The following CNNM2 variants were observed in gnomAD, a reference collection of about 807,000 sequenced individuals.
The protein encoded by CNNM2 is cyclin and CBS domain divalent metal cation transport mediator 2.
Under a neutral mutation model 66.9 loss-of-function variants are expected in CNNM2, and 12 were observed. The ratio of observed to expected loss-of-function variants is 0.18; its 90% CI spans 0.11 to 0.29. The LOEUF (loss-of-function observed/expected upper bound fraction) is 0.29, where lower values mean the gene tolerates loss of function less well. CNNM2 is among the 10% of genes least tolerant of loss of function. The probability of loss-of-function intolerance (pLI) is 1.00; values close to 1 mark genes in which losing one functional copy is unlikely to be tolerated. For missense variants in CNNM2, 705 were observed against 1,167.7 expected, an observed-to-expected ratio of 0.60 and a Z score of 5.77; for synonymous variants, 557 against 501.8, an observed-to-expected ratio of 1.11 and a Z score of -1.47.
chr10:102,954,626 G>A (rs1030157277), intron 1 of CNNM2, among the ~76,000 whole-genome samples: 1 of 152,088 alleles, frequency 6.6e-6, no homozygotes, highest in Non-Finnish European at 1.5e-5. Context: ...GGCCTCCTGG[G>A]TGATCCAGGA....
Position 102,940,511 on chromosome 10 carries a change from CG to C in CNNM2, c.1621+20413del, listed in dbSNP as rs35525985. On this transcript the variant is annotated intron_variant, in intron 1 of 7. Transcript: ENST00000369878. ...TCGGCTCACTGCAAGCTCCGCCTCCCGGGTTCACACCATTCTCCTGTCTCAG... is the reference window on the plus strand; with the variant it reads ...TCGGCTCACTGCAAGCTCCGCCTCCCGGTTCACACCATTCTCCTGTCTCAG... Among the ~76,000 whole-genome samples, 61,804 of 150,490 alleles carry C rather than the reference CG, an allele frequency of 0.41. 13,469 individuals are homozygous for C. Among genetic ancestry groups the C allele is most frequent in the African/African-American group, 0.57 (23,446 of 41,032 alleles).
intron 1 of CNNM2, among the ~76,000 whole-genome samples, chr10:102,981,265 A>G (rs1348041209): frequency 6.6e-6 from 1 of 151,976 alleles, no homozygotes; most frequent in African/African-American, 2.4e-5. Context: ...TGGGAGGATC[A>G]CCTGAGTCCG....
At chr10:103,072,129 G>A (rs566738810) in intron 6 of CNNM2, among the ~76,000 whole-genome samples, 3 of 152,204 alleles carry the variant, frequency 2.0e-5, no homozygotes, top group African/African-American at 7.2e-5. Context: ...TGCCCTTGTG[G>A]CTGACCTTGA....
rs533942200 is a variant in CNNM2 at position 102,926,547 on chromosome 10, C to A, written c.1621+6446C>A. Among the ~76,000 whole-genome samples, 4 of 152,030 alleles carry A rather than the reference C, an allele frequency of 2.6e-5. No individual in the cohort carries two copies. The East Asian group carries it at 7.7e-4, about 29-fold the overall frequency. On this transcript the variant is annotated intron_variant, in intron 1 of 7. Coordinates refer to ENST00000369878, the MANE Select transcript of CNNM2 (RefSeq NM_017649.5). The stretch of plus-strand genomic sequence containing the variant: ...TGTTCTGTGGGTTTTCCTGCTTTTA[C>A]TTATTTATTTTCAAAACAGGGTCTT...
intron 1 of CNNM2, among the ~76,000 whole-genome samples, chr10:103,037,575 TTC>T (rs2064964903): frequency 6.6e-6 from 1 of 152,162 alleles, no homozygotes; most frequent in South Asian, 2.1e-4. Context: ...AGATGGAGTC[TTC>T]TCTCTGTAAT....
chr10:102,976,168 A>C lies in CNNM2; in HGVS notation c.1621+56067A>C, dbSNP rs529598924. Among the ~76,000 whole-genome samples, 288 of 152,336 alleles carry C rather than the reference A, an allele frequency of 1.9e-3. 1 individual carries two copies. Among genetic ancestry groups the C allele is most frequent in the Admixed American group, 3.7e-3 (57 of 15,296 alleles). On this transcript the variant is annotated intron_variant, in intron 1 of 7. Transcript: ENST00000369878. ...ATGTGAGCCTAAAATACACTAAAAC[A>C]TGCATGCTTGTGCTAATTTTCTGTC...
chr10:102,936,536 T>C (rs1590275094), intron 1 of CNNM2, among the ~76,000 whole-genome samples: 2 of 142,270 alleles, frequency 1.4e-5, no homozygotes, highest in African/African-American at 5.4e-5. Context: ...TTTTTTTTGG[T>C]GCAATGGGGG....
intron 1 of CNNM2, among the ~76,000 whole-genome samples, chr10:102,962,317 GA>G (rs2063395112): frequency 6.6e-6 from 1 of 152,158 alleles, no homozygotes; most frequent in African/African-American, 2.4e-5. Context: ...ATATATCCTG[GA>G]AACGTAAAAT....
At chr10:102,961,683 A>C (rs1188830657) in intron 1 of CNNM2, among the ~76,000 whole-genome samples, 1 of 152,130 alleles carries the variant, frequency 6.6e-6, no homozygotes, top group Non-Finnish European at 1.5e-5. Flanking sequence ...CTTTCTTTGC[A>C]GTAGTTAATC....
chr10:103,065,777 C>T (rs1590491690), intron 4 of CNNM2, among the ~76,000 whole-genome samples: 1 of 152,200 alleles, frequency 6.6e-6, no homozygotes, highest in East Asian at 1.9e-4. Flanking sequence ...CAGACATTTG[C>T]AGCCAGCACA....
rs902730159 is a variant in CNNM2 at position 103,088,277 on chromosome 10, A to C, written c.*11097A>C. On this transcript the variant is annotated 3_prime_UTR_variant, in exon 8 of 8. Transcript: ENST00000369878. ...AAGAGTCTATAACCACTGTTTGTTT[A>C]AAATGTTGAAACAACTTTCACTGTA... The C allele has an allele frequency of 6.6e-5, 10 of 152,258 alleles. No homozygotes were observed. The highest frequency in any genetic ancestry group is 2.2e-4 in the African/African-American group (9 of 41,470). The allele number at this position is 152,258 out of a possible 1,614,324, so 9.4% of individuals were successfully genotyped here.
At chr10:102,998,492 T>G (rs935993438) in intron 1 of CNNM2, among the ~76,000 whole-genome samples, 2 of 152,218 alleles carry the variant, frequency 1.3e-5, no homozygotes, top group African/African-American at 4.8e-5. Flanking sequence ...TAAACAAATC[T>G]AAGGAACTAG....
chr10:103,010,215 TATA>T (rs1327995584), intron 1 of CNNM2, among the ~76,000 whole-genome samples: 1 of 152,072 alleles, frequency 6.6e-6, no homozygotes, highest in Non-Finnish European at 1.5e-5. Flanking sequence ...AAATAGTATA[TATA>T]ATATGACCAT....
chr10:103,025,895 C>T (rs939613147), intron 1 of CNNM2, among the ~76,000 whole-genome samples: 1 of 152,174 alleles, frequency 6.6e-6, no homozygotes, highest in African/African-American at 2.4e-5. Context: ...TCACAAAGTT[C>T]ATGTGGCGAA....
At chr10:102,953,964 AT>A (rs1182913618) in intron 1 of CNNM2, among the ~76,000 whole-genome samples, 1 of 152,088 alleles carries the variant, frequency 6.6e-6, no homozygotes, top group African/African-American at 2.4e-5. Flanking sequence ...ATTAGTTCCA[AT>A]TTATAAGTCA....
At chr10:103,065,479 A>G (rs1415799155) in intron 4 of CNNM2, among the ~76,000 whole-genome samples, 1 of 152,170 alleles carries the variant, frequency 6.6e-6, no homozygotes, top group Non-Finnish European at 1.5e-5. Context: ...GATTAAATAG[A>G]AAAAAAGATG....
rs763530748 is a variant in CNNM2 at position 102,919,482 on chromosome 10, C to G, written c.1002C>G (p.Leu334=). The change falls in exon 1 of 8, where the codon CTC becomes CTG. Residue 334 remains leucine, a synonymous_variant. Transcript: ENST00000369878. Reference sequence around the variant, plus strand: ...TCAACACCACGCTCACCATCCTGCTCGACGACATCGCCGGCTCGGGCCTCG... The same window carrying G: ...TCAACACCACGCTCACCATCCTGCTGGACGACATCGCCGGCTCGGGCCTCG... ...VLVNTTLTIL[L]DDIAGSGLVA... 1.9e-6 allele frequency: 3 copies of G among 1,612,542 alleles called. No individual in the cohort carries two copies. Among genetic ancestry groups the G allele is most frequent in the Admixed American group, 1.7e-5 (1 of 60,034 alleles).
At position 103,077,023 on chromosome 10, in the gene CNNM2, C is replaced by G. The variant is rs375970630; in HGVS notation, c.2471C>G (p.Thr824Ser). 5.6e-6 allele frequency: 9 copies of G among 1,613,418 alleles called. No homozygotes were observed. The highest frequency in any genetic ancestry group is 6.8e-6 in the Non-Finnish European group (8 of 1,179,698). The change falls in exon 8 of 8, where the codon ACC becomes AGC. Residue 824 changes from threonine to serine, a missense_variant. By Grantham distance (58) the Thr-to-Ser change is moderately conservative (BLOSUM62 1). Around this residue, in one of 9 missense-constraint regions of CNNM2, gnomAD observed 194 missense variants for 227.6 expected, o/e 0.85. Coordinates refer to ENST00000369878, the MANE Select transcript of CNNM2 (RefSeq NM_017649.5). ...NALMASRMDKTPQSSDSENTK... is the reference protein window; with the variant it reads ...NALMASRMDKSPQSSDSENTK... ...TTGATGGCATCCCGGATGGACAAAACCCCCCAGTCTTCAGACAGTGAAAAC... is the reference window on the plus strand; with the variant it reads ...TTGATGGCATCCCGGATGGACAAAAGCCCCCAGTCTTCAGACAGTGAAAAC...
rs1200954351 is a variant in CNNM2 at position 103,077,127 on chromosome 10, T to A, written c.2575T>A (p.Cys859Ser). 1 of 1,613,812 alleles carries A rather than the reference T, an allele frequency of 6.2e-7. No individual in the cohort carries two copies. The highest frequency in any genetic ancestry group is 2.2e-5 in the East Asian group (1 of 44,894). ...ETANLLNEQN[C>S]VTHSKANHSL... ...AGCCAACCTGCTCAACGAACAGAAC[T>A]GTGTGACGCACAGTAAGGCCAACCA... The change falls in exon 8 of 8, where the codon TGT becomes AGT. Residue 859 changes from cysteine to serine, a missense_variant. Coordinates refer to ENST00000369878, the MANE Select transcript of CNNM2 (RefSeq NM_017649.5).
Sources: allele counts gnomAD v4.1 joint callset (sites outside exome capture counted in the v4.1 genomes callset), GRCh38; gene constraint gnomAD v4.1.1; regional missense constraint gnomAD v4.1.1; transcripts MANE v1.5; gene names NCBI Gene and HGNC (gene_info 2026-07-23, HGNC 2026-07-21).